IDUA: variants seen among roughly 807,000 people sequenced by gnomAD.
IDUA encodes the protein alpha-L-iduronidase.
IDUA carries 65 observed loss-of-function variants against 68.9 expected under a neutral mutation model. That is an observed-to-expected ratio of 0.94 (90% CI 0.77 to 1.16). IDUA has a LOEUF of 1.16. IDUA is among the 50% of genes most tolerant of loss of function. IDUA has a pLI of 0.00. For synonymous variants in IDUA, 529 were observed against 433.6 expected (o/e 1.22, Z -2.73); for missense variants, 1,046 against 938.0 (o/e 1.12, Z -1.50).
In IDUA at chr4:1,000,975, C is replaced by A; in HGVS notation, c.479C>A (p.Ala160Asp). ...TGGAAGGACTTGGTCTCCAGCCTGG[C>A]CAGGAGATACATCGGTGGGCGAGCG... ...FEWKDLVSSLARRYIGRYGLA... is the reference protein window; with the variant it reads ...FEWKDLVSSLDRRYIGRYGLA... Residue 160 changes from alanine (A) to aspartate (D), a missense_variant, in exon 4 of 14, where the codon GCC (alanine) becomes GAC (aspartate). Coordinates refer to ENST00000514224, the MANE Select transcript of IDUA (RefSeq NM_000203.5). 6.2e-7 allele frequency: 1 copy of A among 1,611,892 alleles called. No homozygotes were observed. The highest frequency in any genetic ancestry group is 8.5e-7 in the Non-Finnish European group (1 of 1,178,718).
At position 1,002,309 on chromosome 4, in the gene IDUA, CCTCCGCCTTCCCCTACGCG is replaced by C; in HGVS notation, c.1018_1036del (p.Ala340Ter). On this transcript the variant is annotated frameshift_variant, in exon 8 of 14. Coordinates refer to ENST00000514224, the MANE Select transcript of IDUA (RefSeq NM_000203.5). LOFTEE classifies it high-confidence loss of function. ...CAGAACCTGCTACTGGCCAACACCA[CCTCCGCCTTCCCCTACGCG>C]CTCCTGAGCAACGACAATGCCTTCC... is the stretch of plus-strand genomic sequence containing the variant. 6.2e-7 allele frequency: 1 copy of C among 1,613,028 alleles called. No individual in the cohort carries two copies. The highest frequency in any genetic ancestry group is 8.5e-7 in the Non-Finnish European group (1 of 1,179,662).
At chr4:1,000,460 T>A in intron 2 of IDUA, 152 bp from the exon 3 acceptor site, 1 of 684,892 alleles carries the variant, frequency 1.5e-6, no homozygotes, top group South Asian at 1.7e-5. Context: ...ATAGGGTTAT[T>A]TTCCAAGGGG....
At chr4:989,160 C>T (rs1184154071) in intron 2 of IDUA, 2 of 1,607,292 alleles carry the variant, frequency 1.2e-6, no homozygotes, top group Non-Finnish European at 1.7e-6. Context: ...TAACCGGGCC[C>T]AGGTCCTCGC....
At chr4:987,998 C>A in intron 2 of IDUA, 49 bp downstream of exon 2, 1 of 1,530,606 alleles carries the variant, frequency 6.5e-7, no homozygotes. Flanking sequence ...TACAGAGGCA[C>A]AGATGGGAGG....
chr4:988,613 C>T, intron 2 of IDUA: 1 of 1,378,400 alleles, frequency 7.3e-7, no homozygotes, highest in Non-Finnish European at 9.3e-7. Context: ...GCCAGCCTGT[C>T]TCGGAGGCAG....
At chr4:990,405 G>C in intron 2 of IDUA, 1 of 1,521,080 alleles carries the variant, frequency 6.6e-7, no homozygotes. Context: ...CCTGGCGGGA[G>C]CCACCTGCCC....
intron 2 of IDUA, chr4:990,601 A>G (rs956598750): frequency 1.7e-6 from 1 of 574,044 alleles, no homozygotes; most frequent in Non-Finnish European, 3.1e-6. Flanking sequence ...ACAGCTGGCC[A>G]TAGACACGTC....
rs749514306 is a variant in IDUA at position 989,825 on chromosome 4, G to A, written c.299+1876G>A. The A allele has an allele frequency of 3.2e-5, 51 of 1,579,572 alleles. No homozygotes were observed. The African/African-American group carries it at 4.0e-4, about 12-fold the overall frequency. ...ACAGCCAGCAGCTCCTGGTTGGCAC[G>A]CACAGAGTAGCCGTGACTGCGGGCG... On this transcript the variant is annotated intron_variant, in intron 2 of 13. Transcript: ENST00000514224.
Position 1,004,140 on chromosome 4 carries a change from T to C in IDUA, c.1828+28T>C. 2 of 1,611,934 alleles carry C rather than the reference T, an allele frequency of 1.2e-6. No homozygotes were observed. Among genetic ancestry groups the C allele is most frequent in the African/African-American group, 1.3e-5 (1 of 74,956 alleles). ...GCGCCCACCACCCGCTGCCCTGGACTCGGCCACCCCATTCTTGGGCCTCAG... is the reference window on the plus strand; with the variant it reads ...GCGCCCACCACCCGCTGCCCTGGACCCGGCCACCCCATTCTTGGGCCTCAG... On this transcript the variant is annotated intron_variant, in intron 13 of 13. Transcript: ENST00000514224. This position sits in a 1 kb window ranked among gnomAD's most constrained non-coding sequence, Gnocchi z 5.0.
chr4:989,665 A>T (rs748362855), intron 2 of IDUA: 2 of 1,579,672 alleles, frequency 1.3e-6, no homozygotes, highest in South Asian at 2.3e-5. Context: ...CAGCAGCACC[A>T]GCAGCACCAC....
intron 2 of IDUA, among the ~76,000 whole-genome samples, chr4:998,995 GAAATGGA>G: frequency 6.6e-6 from 1 of 152,048 alleles, no homozygotes. Context: ...ACGAGGTCAG[GAAATGGA>G]AACCATCCTG....
chr4:1,001,194 G>A lies in IDUA; in HGVS notation c.493+205G>A, dbSNP rs3733342. 0.16 allele frequency: 99,477 copies of A among 617,266 alleles called. 8,540 individuals carry two copies. Among genetic ancestry groups the A allele is most frequent in the South Asian group, 0.24 (12,512 of 51,918 alleles). 38.2% of individuals were successfully genotyped at this position (617,266 alleles called of 1,614,324 possible). A position where few individuals can be genotyped will look rare whatever the true frequency, so the allele number is the denominator to read the frequency against. ...AGGCTGGGGGGTACTCCTGGGCTTG[G>A]TGGGTGGGCGAAGGCCCTGGGCCCC... is the stretch of plus-strand genomic sequence containing the variant. On this transcript the variant is annotated intron_variant, in intron 4 of 13. Coordinates refer to ENST00000514224, the MANE Select transcript of IDUA (RefSeq NM_000203.5).
intron 2 of IDUA, among the ~76,000 whole-genome samples, chr4:994,888 T>G (rs1157497404): frequency 2.0e-5 from 3 of 152,152 alleles, no homozygotes; most frequent in African/African-American, 4.8e-5. Context: ...ATTAGGCCAC[T>G]GCACCCTATC....
intron 4 of IDUA, 112 bp downstream of exon 4, chr4:1,001,101 G>C (rs905399645): frequency 1.3e-6 from 1 of 784,390 alleles, no homozygotes; most frequent in Non-Finnish European, 2.2e-6. Context: ...GTGGGCAGGC[G>C]CAGGCCCTTG....
rs141445352 is a variant in IDUA at position 995,945 on chromosome 4, C to G, written c.300-4667C>G. ...CTGAATGCTCCAGGGTCTCGTACCC[C>G]AGAGTGTGAGATGCGGGCAGGGCTG... On this transcript the variant is annotated intron_variant, in intron 2 of 13. Transcript: ENST00000514224. Among the ~76,000 whole-genome samples, 84 of 152,124 alleles carry G rather than the reference C, an allele frequency of 5.5e-4. 1 individual carries two copies. The East Asian group carries it at 0.014, about 26-fold the overall frequency.
At position 1,003,065 on chromosome 4, in the gene IDUA, A is replaced by G. The variant is rs771243291; in HGVS notation, c.1432A>G (p.Asn478Asp). Reference protein sequence around the residue: ...GLVYVTRYLDNGLCSPDGEWR... With the variant: ...GLVYVTRYLDDGLCSPDGEWR... ...GGTCTACGTCACGCGCTACCTGGAC[A>G]ACGGGCTCTGCAGCCCCGACGGCGA... The change falls in exon 10 of 14, where the codon AAC becomes GAC. Residue 478 changes from asparagine (N) to aspartate (D), a missense_variant. Transcript: ENST00000514224. 1 of 1,520,178 alleles carries G rather than the reference A, an allele frequency of 6.6e-7. No individual in the cohort carries two copies. 94.2% of individuals were successfully genotyped at this position (1,520,178 alleles called of 1,614,324 possible).
In IDUA at chr4:1,002,756, T is replaced by G. The variant is rs1715177435; in HGVS notation, c.1214T>G (p.Val405Gly). The change falls in exon 9 of 14, where the codon GTG (valine) becomes GGG (glycine). Residue 405 changes from valine (V) to glycine (G), a missense_variant. By Grantham distance (109) the Val-to-Gly change is moderately radical. Coordinates refer to ENST00000514224, the MANE Select transcript of IDUA (RefSeq NM_000203.5). ...LLDEEQLWAE[V>G]SQAGTVLDSN... is the part of the protein sequence containing the mutation. ...GATGAGGAGCAGCTCTGGGCCGAAG[T>G]GTCGCAGGCCGGGACCGTCCTGGAC... 8.1e-6 allele frequency: 12 copies of G among 1,480,654 alleles called. No individual in the cohort carries two copies. The highest frequency in any genetic ancestry group is 9.8e-6 in the Non-Finnish European group (11 of 1,121,488). The allele number at this position is 1,480,654 out of a possible 1,614,324, so 91.7% of individuals were successfully genotyped here. A position where few individuals can be genotyped will look rare whatever the true frequency, so the allele number is the denominator to read the frequency against.
chr4:996,787 A>G (rs941113079), intron 2 of IDUA, among the ~76,000 whole-genome samples: 1 of 152,060 alleles, frequency 6.6e-6, no homozygotes, highest in African/African-American at 2.4e-5. Flanking sequence ...GGCCAGGCCC[A>G]GAGGCTGAGT....
At chr4:990,731 A>G in intron 2 of IDUA, 1 of 397,076 alleles carries the variant, frequency 2.5e-6, no homozygotes, top group Non-Finnish European at 4.6e-6. Flanking sequence ...GCAGATGTGG[A>G]GCCAACGGGG....
Sources: allele counts gnomAD v4.1 joint callset (sites outside exome capture counted in the v4.1 genomes callset), GRCh38; gene constraint gnomAD v4.1.1; non-coding constraint Gnocchi (gnomAD v3.1); transcripts MANE v1.5; gene names NCBI Gene and HGNC (gene_info 2026-07-23, HGNC 2026-07-21).